The following XYLT1 variants were observed in gnomAD, a reference collection of about 807,000 sequenced individuals.
XYLT1 encodes beta-D-xylosyltransferase 1.
A neutral mutation model predicts 91.3 loss-of-function variants in XYLT1; 36 were observed. The observed-to-expected ratio is 0.39, with a 90% CI of 0.30 to 0.52. The LOEUF (loss-of-function observed/expected upper bound fraction) is 0.52, where lower values mean the gene tolerates loss of function less well. Among genes scored for constraint, XYLT1 ranks in the 20% least tolerant of loss-of-function variants. The pLI, the probability that XYLT1 is intolerant of heterozygous loss-of-function variation, is 0.68. For synonymous variants in XYLT1, 588 were observed against 532.0 expected, an observed-to-expected ratio of 1.11 and a Z score of -1.45; for missense variants, 1,242 against 1,284.5, an observed-to-expected ratio of 0.97 and a Z score of 0.51.
At chr16:17,249,123 A>G (rs1387310422) in intron 3 of XYLT1, among the ~76,000 whole-genome samples, 5 of 152,132 alleles carry the variant, frequency 3.3e-5, no homozygotes, top group Non-Finnish European at 5.9e-5. Flanking sequence ...TTCCTCCCAA[A>G]TGAATCCATC....
intron 1 of XYLT1, among the ~76,000 whole-genome samples, chr16:17,411,370 C>T (rs1596531911): frequency 6.6e-6 from 1 of 152,060 alleles, no homozygotes; most frequent in South Asian, 2.1e-4. Context: ...ACAATTTGCT[C>T]CCTAATTAAT....
intron 2 of XYLT1, among the ~76,000 whole-genome samples, chr16:17,331,915 A>T (rs2034903786): frequency 6.6e-6 from 1 of 152,232 alleles, no homozygotes; most frequent in African/African-American, 2.4e-5. Context: ...CTCTAGCCAG[A>T]CAGCCTCCTT....
intron 2 of XYLT1, among the ~76,000 whole-genome samples, chr16:17,344,366 G>A (rs541721085): frequency 5.2e-4 from 79 of 151,214 alleles, no homozygotes; most frequent in East Asian, 1.2e-3. Flanking sequence ...GGTGGCGGGC[G>A]CCTGTAGTCC....
intron 1 of XYLT1, among the ~76,000 whole-genome samples, chr16:17,399,938 C>T (rs552621835): frequency 2.0e-5 from 3 of 152,232 alleles, no homozygotes; most frequent in Non-Finnish European, 4.4e-5. Flanking sequence ...GCAAATATTT[C>T]TTTGGGAAAG....
Position 17,365,410 on chromosome 16 carries a change from G to A in XYLT1, c.364-7360C>T, listed in dbSNP as rs553110726. Among the ~76,000 whole-genome samples the A allele has an allele frequency of 2.2e-3, 333 of 152,178 alleles. 18 individuals carry two copies. The South Asian group carries it at 0.066, about 30-fold the overall frequency. ...GAGGGAGGGATGCCAGTGATACAGA[G>A]GTGTCCTTGTTCTCTAAAAAAGACT... On this transcript the variant is annotated intron_variant, in intron 1 of 11. Coordinates refer to ENST00000261381, the MANE Select transcript of XYLT1 (RefSeq NM_022166.4).
rs183590899 is a variant in XYLT1, at chr16:17,344,580, C to A, written c.402+13432G>T. The stretch of plus-strand genomic sequence containing the variant: ...CAGGTTAGTCAGTCCACAGGGTAAA[C>A]AAGGTTGCCCTGGGGAAGGGAGTCC... On this transcript the variant is annotated intron_variant, in intron 2 of 11. Coordinates refer to ENST00000261381, the MANE Select transcript of XYLT1 (RefSeq NM_022166.4). Among the ~76,000 whole-genome samples the A allele has an allele frequency of 1.2e-4, 18 of 151,920 alleles. No homozygotes were observed. The East Asian group carries it at 2.9e-3, about 25-fold the overall frequency.
Position 17,208,971 on chromosome 16 carries a change from C to T in XYLT1, c.914-8317G>A, listed in dbSNP as rs778166603. ...CAAACTCTTGACTGCAGGTGATCAGCCCACCTTGGCCTCCCAAAGTGCTGG... is the reference window on the plus strand; with the variant it reads ...CAAACTCTTGACTGCAGGTGATCAGTCCACCTTGGCCTCCCAAAGTGCTGG... On this transcript the variant is annotated intron_variant, in intron 3 of 11. Coordinates refer to ENST00000261381, the MANE Select transcript of XYLT1 (RefSeq NM_022166.4). Among the ~76,000 whole-genome samples the T allele has an allele frequency of 7.9e-5, 12 of 152,176 alleles. 1 individual carries two copies. The highest frequency in any genetic ancestry group is 2.9e-5 in the Non-Finnish European group (2 of 68,032).
Position 17,366,769 on chromosome 16 carries a change from G to T in XYLT1, c.364-8719C>A, listed in dbSNP as rs1462957964. On this transcript the variant is annotated intron_variant, in intron 1 of 11. Transcript: ENST00000261381. ...CAGGCACCAAAAGCCCCATTTTACA[G>T]ATGGTGTAATTGAGGCTCAAAGGAG... Among the ~76,000 whole-genome samples the T allele has an allele frequency of 2.0e-5, 3 of 152,158 alleles. No homozygotes were observed. The East Asian group carries it at 5.8e-4, about 29-fold the overall frequency.
chr16:17,246,907 G>A (rs1317286154), intron 3 of XYLT1, among the ~76,000 whole-genome samples: 1 of 152,160 alleles, frequency 6.6e-6, no homozygotes, highest in Non-Finnish European at 1.5e-5. Context: ...ATGTACCCCA[G>A]CAGGGAACAG....
At chr16:17,158,542 C>T (rs2031470847) in intron 6 of XYLT1, among the ~76,000 whole-genome samples, 1 of 152,136 alleles carries the variant, frequency 6.6e-6, no homozygotes, top group Non-Finnish European at 1.5e-5. Context: ...CCGTGGGTGC[C>T]CTACTGAAAG....
chr16:17,259,159 C>G lies in XYLT1; in HGVS notation c.742G>C (p.Glu248Gln), dbSNP rs765052371. 8 of 1,599,138 alleles carry G rather than the reference C, an allele frequency of 5.0e-6. No individual in the cohort carries two copies. Among genetic ancestry groups the G allele is most frequent in the Non-Finnish European group, 6.0e-6 (7 of 1,172,584 alleles). Residue 248 changes from glutamate to glutamine, a missense_variant, in exon 3 of 12, where the codon GAG becomes CAG. Coordinates refer to ENST00000261381, the MANE Select transcript of XYLT1 (RefSeq NM_022166.4). ...HARKTGGSSP[E>Q]TKYDQPPKCD... ...TTAGGGGGCTGGTCATACTTGGTCT[C>G]GGGGGAGCTGCCCCCAGTTTTCCTG... is the stretch of plus-strand genomic sequence containing the variant.
intron 5 of XYLT1, among the ~76,000 whole-genome samples, chr16:17,192,092 C>CTTTT (rs550488299): frequency 6.3e-5 from 8 of 126,798 alleles, no homozygotes; most frequent in African/African-American, 1.6e-4. Context: ...CTCTCTCTCT[C>CTTTT]TTTTTTTTTT....
At chr16:17,153,778 CTT>C (rs1442131275) in intron 6 of XYLT1, among the ~76,000 whole-genome samples, 1 of 152,184 alleles carries the variant, frequency 6.6e-6, no homozygotes, top group Non-Finnish European at 1.5e-5. Context: ...CATAAACACA[CTT>C]TGCAAAATGC....
chr16:17,321,162 G>T (rs2034713275), intron 2 of XYLT1, among the ~76,000 whole-genome samples: 1 of 151,870 alleles, frequency 6.6e-6, no homozygotes, highest in Non-Finnish European at 1.5e-5. Context: ...GGGGCAGGCT[G>T]TACATCTGCT....
chr16:17,442,485 G>A (rs1296594512), intron 1 of XYLT1, among the ~76,000 whole-genome samples: 4 of 152,172 alleles, frequency 2.6e-5, no homozygotes, highest in Admixed American at 2.6e-4. Context: ...GGGTGTCTGT[G>A]AGGGCGGTTC....
Position 17,470,569 on chromosome 16 carries a change from T to C in XYLT1, c.228A>G (p.Ala76=), listed in dbSNP as rs904119368. Residue 76 remains alanine (A), a synonymous_variant, in exon 1 of 12, where the codon GCA becomes GCG. Coordinates refer to ENST00000261381, the MANE Select transcript of XYLT1 (RefSeq NM_022166.4). ...ERRDLPAEPA[A]ARGGGGGGGG... ...CGCCGCCTCCTCCTCCTCCTCGGGCTGCAGCCGGCTCGGCGGGCAGGTCCC... is the reference window on the plus strand; with the variant it reads ...CGCCGCCTCCTCCTCCTCCTCGGGCCGCAGCCGGCTCGGCGGGCAGGTCCC... 5.7e-5 allele frequency: 69 copies of C among 1,204,910 alleles called. 1 individual carries two copies. In the African/African-American group the frequency reaches 1.0e-3, roughly 18 times the overall value. 74.6% of individuals were successfully genotyped at this position (1,204,910 alleles called of 1,614,324 possible). A position where few individuals can be genotyped will look rare whatever the true frequency, so the allele number is the denominator to read the frequency against.
At chr16:17,317,723 C>T (rs2034657862) in intron 2 of XYLT1, among the ~76,000 whole-genome samples, 1 of 148,906 alleles carries the variant, frequency 6.7e-6, no homozygotes. Context: ...AATCATGTTT[C>T]CTTTTGTAAT....
intron 1 of XYLT1, among the ~76,000 whole-genome samples, chr16:17,396,384 T>C (rs1348291831): frequency 6.6e-6 from 1 of 152,200 alleles, no homozygotes; most frequent in Non-Finnish European, 1.5e-5. Context: ...TGTGATTCAG[T>C]CTTCTCATCT....
At chr16:17,233,886 C>T (rs2033206167) in intron 3 of XYLT1, among the ~76,000 whole-genome samples, 2 of 152,108 alleles carry the variant, frequency 1.3e-5, no homozygotes, top group Admixed American at 1.3e-4. Flanking sequence ...CCAACTTCAT[C>T]CTGGTTAAGC....
Sources: gnomAD v4.1 joint callset for allele counts (sites outside exome capture counted in the v4.1 genomes callset) on GRCh38, gnomAD v4.1.1 for gene constraint, MANE v1.5 for transcripts, NCBI Gene and HGNC (gene_info 2026-07-23, HGNC 2026-07-21) for gene names.